ANKRD26: variants seen among roughly 807,000 people sequenced by gnomAD.
The protein encoded by ANKRD26 is ankyrin repeat domain 26, also known as ankyrin repeat domain-containing protein 26.
Under a neutral mutation model 208.7 loss-of-function variants are expected in ANKRD26, and 141 were observed. The observed-to-expected ratio is 0.68, with a 90% CI of 0.59 to 0.78. The LOEUF (loss-of-function observed/expected upper bound fraction) is 0.78, where lower values mean the gene tolerates loss of function less well. Among genes scored for constraint, ANKRD26 ranks in the 30% least tolerant of loss-of-function variants. ANKRD26 has a pLI of 0.00. For synonymous variants in ANKRD26, 636 were observed against 660.4 expected (o/e 0.96, Z 0.57); for missense variants, 1,889 against 1,938.7 (o/e 0.97, Z 0.48).
intron 21 of ANKRD26, among the ~76,000 whole-genome samples, 172 bp downstream of exon 21, chr10:27,039,790 TTAG>T (rs1160288635): frequency 1.3e-5 from 2 of 152,122 alleles, no homozygotes; most frequent in East Asian, 1.9e-4. Context: ...GAATATATAT[TTAG>T]TAGAAGTTCA....
At chr10:27,071,084 G>A (rs1012191700) in intron 9 of ANKRD26, among the ~76,000 whole-genome samples, 2 of 150,716 alleles carry the variant, frequency 1.3e-5, no homozygotes, top group Non-Finnish European at 2.9e-5. Flanking sequence ...ATGCGTATGT[G>A]TCCATTACAT....
downstream of ANKRD26, among the ~76,000 whole-genome samples, chr10:26,987,333 T>A (rs2052407431): frequency 6.6e-6 from 1 of 152,186 alleles, no homozygotes; most frequent in Non-Finnish European, 1.5e-5. Context: ...TAATGTTAAA[T>A]GACCAGTTAA....
At chr10:26,977,308 A>G (rs1056856599) in intron 5 of ANKRD26, among the ~76,000 whole-genome samples, 2 of 152,296 alleles carry the variant, frequency 1.3e-5, no homozygotes, top group South Asian at 4.1e-4. Flanking sequence ...CTTTATCTAC[A>G]TGTCTAAAAT....
chr10:27,070,197 G>A (rs1268360514), intron 9 of ANKRD26, among the ~76,000 whole-genome samples: 1 of 151,326 alleles, frequency 6.6e-6, no homozygotes, highest in Non-Finnish European at 1.5e-5. Flanking sequence ...TTGAGGCCAG[G>A]TGTTCAAGAC....
At chr10:27,081,814 T>C (rs1388458121) in intron 6 of ANKRD26, among the ~76,000 whole-genome samples, 2 of 151,956 alleles carry the variant, frequency 1.3e-5, no homozygotes, top group African/African-American at 4.8e-5. Context: ...CTCGGCTCAC[T>C]GCAACCTCCG....
chr10:26,991,066 T>A (rs1028276951), downstream of ANKRD26, among the ~76,000 whole-genome samples: 2 of 152,178 alleles, frequency 1.3e-5, no homozygotes, highest in African/African-American at 4.8e-5. Flanking sequence ...TTTGTTTTTT[T>A]ATAGCAAAAT....
At chr10:26,955,338 T>A in the ANKRD26 span, among the ~76,000 whole-genome samples, 1 of 151,620 alleles carries the variant, frequency 6.6e-6, no homozygotes, top group East Asian at 1.9e-4. Flanking sequence ...TGAGGCAGGA[T>A]AATGGCTTGA....
rs367972112 is a variant in ANKRD26 at position 27,029,381 on chromosome 10, C to T, written c.3808-25G>A. The T allele has an allele frequency of 9.2e-5, 148 of 1,600,776 alleles. 1 individual carries two copies. Among genetic ancestry groups the T allele is most frequent in the African/African-American group, 5.9e-4 (44 of 74,904 alleles). ...ACTAAAACAAAGAATAAAAAAAACC[C>T]ACTTTACTAATAATCTAGTACACAT... On this transcript the variant is annotated intron_variant, in intron 25 of 33. Transcript: ENST00000376087.
chr10:27,046,556 T>C (rs1589276277), intron 17 of ANKRD26, 33 bp from the exon 18 acceptor site: 2 of 1,597,334 alleles, frequency 1.3e-6, no homozygotes, highest in Admixed American at 1.7e-5. Context: ...GACAGTTACA[T>C]AAGAAAAAAG....
At chr10:26,948,536 A>G in the ANKRD26 span, among the ~76,000 whole-genome samples, 1 of 152,256 alleles carries the variant, frequency 6.6e-6, no homozygotes, top group Non-Finnish European at 1.5e-5. Flanking sequence ...TCATTTGGTA[A>G]TAATGATTAT....
At chr10:27,010,203 T>C (rs1013597878) in intron 32 of ANKRD26, among the ~76,000 whole-genome samples, 1 of 152,206 alleles carries the variant, frequency 6.6e-6, no homozygotes. Flanking sequence ...TGGTTCTTTT[T>C]AATCTCTTTT....
intron 25 of ANKRD26, among the ~76,000 whole-genome samples, chr10:27,031,633 A>G (rs898734522): frequency 6.6e-6 from 1 of 152,202 alleles, no homozygotes; most frequent in African/African-American, 2.4e-5. Context: ...TGATGGTTAC[A>G]CAACTCTGTA....
At chr10:26,959,459 A>G in the ANKRD26 span, among the ~76,000 whole-genome samples, 13 of 152,142 alleles carry the variant, frequency 8.5e-5, no homozygotes, top group African/African-American at 2.4e-5. Flanking sequence ...GCAGAATCAG[A>G]AGTCCTTGAT....
chr10:26,965,260 C>T, the ANKRD26 span, among the ~76,000 whole-genome samples: 535 of 152,264 alleles, frequency 3.5e-3, 9 homozygotes, highest in East Asian at 0.046. Flanking sequence ...ACCAAAACAG[C>T]ATGGTACTGG....
In ANKRD26 at chr10:27,017,648, ACTT is replaced by A; in HGVS notation, c.4357_4359del (p.Lys1453del). On this transcript the variant is annotated inframe_deletion, in exon 30 of 34. Transcript: ENST00000376087. ...CTCAGGTTGATCACTTCTTGTTCCA[ACTT>A]CTTTTTATTCTTCTGTAGTTTTTCA... The A allele has an allele frequency of 6.2e-7, 1 of 1,613,440 alleles. No individual in the cohort carries two copies. Among genetic ancestry groups the A allele is most frequent in the Non-Finnish European group, 8.5e-7 (1 of 1,179,802 alleles).
the ANKRD26 span, among the ~76,000 whole-genome samples, chr10:26,962,305 C>T: frequency 6.6e-6 from 1 of 152,098 alleles, no homozygotes; most frequent in Non-Finnish European, 1.5e-5. Flanking sequence ...CGGCCAGGTA[C>T]AGCCCACGCC....
intron 20 of ANKRD26, 54 bp from the exon 21 acceptor site, chr10:27,040,232 C>G (rs1003497280): frequency 6.5e-5 from 82 of 1,268,926 alleles, no homozygotes; most frequent in Non-Finnish European, 8.7e-5. Flanking sequence ...CCATATAACA[C>G]ACTGTGCACT....
downstream of ANKRD26, among the ~76,000 whole-genome samples, chr10:26,972,855 T>G (rs911544071): frequency 7.2e-5 from 11 of 152,014 alleles, no homozygotes; most frequent in East Asian, 7.7e-4. Context: ...CTCCCAAAGT[T>G]CTGGGATTAC....
Position 27,005,729 on chromosome 10 carries a change from A to C in ANKRD26, c.5000-6T>G. 13 of 1,605,702 alleles carry C rather than the reference A, an allele frequency of 8.1e-6. No homozygotes were observed. Among genetic ancestry groups the C allele is most frequent in the Non-Finnish European group, 1.1e-5 (13 of 1,176,648 alleles). ...AGATTCCAATTCAGCAGCAGCTAGA[A>C]TGAAAAAGAAAGAATTATATTCCTT... On this transcript the variant is annotated splice_region_variant and splice_polypyrimidine_tract_variant and intron_variant, in intron 33 of 33. Transcript: ENST00000376087.
Sources: gnomAD v4.1 joint callset for allele counts (sites outside exome capture counted in the v4.1 genomes callset) on GRCh38, gnomAD v4.1.1 for gene constraint, MANE v1.5 for transcripts, NCBI Gene and HGNC (gene_info 2026-07-23, HGNC 2026-07-21) for gene names.